The following UBE2W variants were observed in gnomAD, a reference collection of about 807,000 sequenced individuals.
The protein encoded by UBE2W is ubiquitin-conjugating enzyme E2 W.
Under a neutral mutation model 27.2 loss-of-function variants are expected in UBE2W, and 18 were observed. The ratio of observed to expected loss-of-function variants is 0.66; its 90% CI spans 0.46 to 0.98. The LOEUF is 0.98. Among genes scored for constraint, UBE2W ranks in the 50% least tolerant of loss-of-function variants. UBE2W has a pLI of 0.00. For missense variants in UBE2W, 90 were observed against 180.2 expected (o/e 0.50, Z 2.87); for synonymous variants, 53 against 57.2 (o/e 0.93, Z 0.33).
At chr8:73,847,148 G>A (rs1810844142) in intron 1 of UBE2W, among the ~76,000 whole-genome samples, 5 of 152,068 alleles carry the variant, frequency 3.3e-5, no homozygotes, top group Admixed American at 1.3e-4. Context: ...CAGCCTGGGC[G>A]ACAGAGTGAG....
intron 5 of UBE2W, among the ~76,000 whole-genome samples, chr8:73,796,296 T>G (rs1406361786): frequency 6.6e-6 from 1 of 152,094 alleles, no homozygotes; most frequent in Non-Finnish European, 1.5e-5. Context: ...CTACCTAATA[T>G]GTCAAACTAC....
chr8:73,871,652 T>C (rs79389016), intron 1 of UBE2W, among the ~76,000 whole-genome samples: 3,511 of 152,162 alleles, frequency 0.023, 141 homozygotes, highest in African/African-American at 0.081. Context: ...GAGGACACTT[T>C]AATACCTGAC....
intron 3 of UBE2W, among the ~76,000 whole-genome samples, chr8:73,815,538 T>G (rs952131668): frequency 2.6e-5 from 4 of 152,226 alleles, no homozygotes; most frequent in African/African-American, 7.2e-5. Context: ...ACCAAAAACC[T>G]CTGCATTATT....
intron 1 of UBE2W, among the ~76,000 whole-genome samples, chr8:73,844,919 C>T (rs1165240249): frequency 6.6e-6 from 1 of 151,784 alleles, no homozygotes; most frequent in Non-Finnish European, 1.5e-5. Flanking sequence ...GGCAGCCGCC[C>T]GGTCTGGGAA....
intron 5 of UBE2W, among the ~76,000 whole-genome samples, chr8:73,805,025 C>G (rs575723240): frequency 2.6e-5 from 4 of 152,014 alleles, no homozygotes; most frequent in African/African-American, 9.6e-5. Context: ...GCCTGGGCTC[C>G]CAGTAAATAG....
chr8:73,844,358 G>C (rs916342295), intron 1 of UBE2W, among the ~76,000 whole-genome samples: 9 of 152,186 alleles, frequency 5.9e-5, no homozygotes, highest in Admixed American at 5.9e-4. Flanking sequence ...CGTGTTGGCT[G>C]GGCTGGTCTC....
At chr8:73,835,790 TTCTC>T (rs1473906330) in intron 1 of UBE2W, among the ~76,000 whole-genome samples, 1 of 152,122 alleles carries the variant, frequency 6.6e-6, no homozygotes, top group Non-Finnish European at 1.5e-5. Flanking sequence ...GTCTTGGTAA[TTCTC>T]TCTCTCAAAT....
Position 73,793,155 on chromosome 8 carries a change from CATAA to C in UBE2W, c.*943_*946del. 1.0e-6 allele frequency: 1 copy of C among 985,742 alleles called. No homozygotes were observed. Among genetic ancestry groups the C allele is most frequent in the Non-Finnish European group, 1.2e-6 (1 of 829,868 alleles). The allele number at this position is 985,742 out of a possible 1,614,324, so 61.1% of individuals were successfully genotyped here. ...CAAAAATGTTTACGGGGTTTCCAAA[CATAA>C]ATAAATGAAATAGTGTTTAGGCAGT... is the stretch of plus-strand genomic sequence containing the variant. On this transcript the variant is annotated 3_prime_UTR_variant, in exon 6 of 6. Transcript: ENST00000602593.
chr8:73,799,101 T>G (rs1808536381), intron 5 of UBE2W, among the ~76,000 whole-genome samples: 1 of 152,132 alleles, frequency 6.6e-6, no homozygotes, highest in Non-Finnish European at 1.5e-5. Flanking sequence ...AACACATTGA[T>G]AGTCAACTAC....
intron 1 of UBE2W, among the ~76,000 whole-genome samples, chr8:73,858,879 CGTGTGTGT>C (rs5892434): frequency 7.8e-5 from 11 of 141,726 alleles, no homozygotes; most frequent in East Asian, 2.1e-4. Context: ...TTTTTGCGTG[CGTGTGTGT>C]GTGTGTGTGT....
intron 3 of UBE2W, among the ~76,000 whole-genome samples, chr8:73,824,692 G>A (rs545521727): frequency 1.6e-4 from 25 of 152,268 alleles, no homozygotes; most frequent in Non-Finnish European, 2.8e-4. Context: ...CATAAAGAGC[G>A]TGCTATCTAG....
chr8:73,811,022 G>T (rs1243130047), intron 3 of UBE2W, among the ~76,000 whole-genome samples: 4 of 152,044 alleles, frequency 2.6e-5, no homozygotes, highest in African/African-American at 9.7e-5. Context: ...ATTCAATTTT[G>T]GGAAAATATG....
At chr8:73,801,796 G>A (rs1283018207) in intron 5 of UBE2W, among the ~76,000 whole-genome samples, 1 of 152,158 alleles carries the variant, frequency 6.6e-6, no homozygotes, top group African/African-American at 2.4e-5. Flanking sequence ...AGTCTATTTG[G>A]AAACCTTGTC....
In UBE2W at chr8:73,790,057, T is replaced by G; in HGVS notation, c.*4045A>C. 1 of 985,294 alleles carries G rather than the reference T, an allele frequency of 1.0e-6. No individual in the cohort carries two copies. 61.0% of individuals were successfully genotyped at this position (985,294 alleles called of 1,614,324 possible). A position where few individuals can be genotyped will look rare whatever the true frequency, so the allele number is the denominator to read the frequency against. On this transcript the variant is annotated 3_prime_UTR_variant, in exon 6 of 6. Coordinates refer to ENST00000602593, the MANE Select transcript of UBE2W (RefSeq NM_018299.6). ...GTCAATTATTCAACAAATTTAGCCA[T>G]CTACTGACAAACTGAAATTAGTATC... is the stretch of plus-strand genomic sequence containing the variant.
intron 1 of UBE2W, among the ~76,000 whole-genome samples, chr8:73,848,363 C>T (rs1229290626): frequency 6.6e-6 from 1 of 151,942 alleles, no homozygotes; most frequent in Non-Finnish European, 1.5e-5. Context: ...GTAAAGCTCA[C>T]AAACAGGCAA....
In UBE2W at chr8:73,830,393, T is replaced by C. The variant is rs768925015; in HGVS notation, c.95A>G (p.Asn32Ser). 5 of 1,612,550 alleles carry C rather than the reference T, an allele frequency of 3.1e-6. No individual in the cohort carries two copies. The highest frequency in any genetic ancestry group is 3.3e-5 in the Admixed American group (2 of 59,898). The change falls in exon 2 of 6, where the codon AAT becomes AGT. Residue 32 changes from asparagine (N) to serine (S), a missense_variant. By Grantham distance (46) the Asn-to-Ser change is conservative. Coordinates refer to ENST00000602593, the MANE Select transcript of UBE2W (RefSeq NM_018299.6). The part of the protein sequence containing the change: ...GMTLNEKSVQ[N>S]SITQWIVDME... ...ATTAAATACTTACTGTGTAATTGAA[T>C]TTTGAACACTCTTCTCATTTAAGGT...
At chr8:73,842,294 C>G (rs747066119) in intron 1 of UBE2W, among the ~76,000 whole-genome samples, 1 of 151,724 alleles carries the variant, frequency 6.6e-6, no homozygotes, top group Non-Finnish European at 1.5e-5. Context: ...TCTGGGAGGC[C>G]GAGGCGGGTG....
intron 1 of UBE2W, among the ~76,000 whole-genome samples, chr8:73,869,972 T>C (rs985198623): frequency 6.6e-6 from 1 of 151,886 alleles, no homozygotes; most frequent in Non-Finnish European, 1.5e-5. Context: ...AGACAAAAAA[T>C]AGATGAGTGG....
intron 5 of UBE2W, among the ~76,000 whole-genome samples, chr8:73,795,462 C>A (rs73689053): frequency 7.9e-5 from 12 of 152,138 alleles, no homozygotes; most frequent in African/African-American, 2.4e-4. Context: ...GAAGCAAATG[C>A]CAGCACTATG....
Sources: allele counts gnomAD v4.1 joint callset (sites outside exome capture counted in the v4.1 genomes callset), GRCh38; gene constraint gnomAD v4.1.1; transcripts MANE v1.5; gene names NCBI Gene and HGNC (gene_info 2026-07-23, HGNC 2026-07-21).